RSF1: variants seen among roughly 807,000 people sequenced by gnomAD.
RSF1 encodes HBV pX-associated protein 8.
A neutral mutation model predicts 145.2 loss-of-function variants in RSF1; 13 were observed. That is an observed-to-expected ratio of 0.09 (90% CI 0.06 to 0.14). The LOEUF (loss-of-function observed/expected upper bound fraction) is 0.14, where lower values mean the gene tolerates loss of function less well. Among genes scored for constraint, RSF1 ranks in the 10% least tolerant of loss-of-function variants. The pLI is 1.00. For missense variants in RSF1, 1,517 were observed against 1,718.2 expected (o/e 0.88, Z 2.07); for synonymous variants, 577 against 592.6 (o/e 0.97, Z 0.38).
rs562274416 is a variant in RSF1, at chr11:77,730,806, G to T, written c.579-5107C>A. Among the ~76,000 whole-genome samples the T allele has an allele frequency of 2.0e-5, 3 of 152,286 alleles. No individual in the cohort carries two copies. In the South Asian group the frequency reaches 6.2e-4, roughly 32 times the overall value. ...GCTTTCTTTTCCTGCCGCCATTGAT[G>T]TAAGACATGACTTGCTCCTCCTTGC... On this transcript the variant is annotated intron_variant, in intron 4 of 15. Transcript: ENST00000308488.
rs1959227522 is a variant in RSF1 at position 77,661,097 on chromosome 11, T to C, written c.*5820A>G. 6.6e-6 allele frequency: 1 copy of C among 152,172 alleles called. No homozygotes were observed. The highest frequency in any genetic ancestry group is 2.1e-4 in the South Asian group (1 of 4,832). 9.4% of individuals were successfully genotyped at this position (152,172 alleles called of 1,614,324 possible). ...CTGCCACGCTTCAGCAGACAACTAT[T>C]CCTGTGGAATTAAGTCCACTGAATA... On this transcript the variant is annotated 3_prime_UTR_variant, in exon 16 of 16. Coordinates refer to ENST00000308488, the MANE Select transcript of RSF1 (RefSeq NM_016578.4).
the RSF1 span, among the ~76,000 whole-genome samples, chr11:77,845,321 C>T: frequency 6.6e-6 from 1 of 152,026 alleles, no homozygotes; most frequent in Admixed American, 6.6e-5. Context: ...ACTGGATAAT[C>T]TCAATTGACC....
chr11:77,862,935 TGGG>T, the RSF1 span, among the ~76,000 whole-genome samples: 1 of 152,148 alleles, frequency 6.6e-6, no homozygotes, highest in Non-Finnish European at 1.5e-5. Context: ...GTTTTTGCCT[TGGG>T]GGGAACGTTT....
At chr11:77,850,018 C>G in the RSF1 span, among the ~76,000 whole-genome samples, 2 of 152,218 alleles carry the variant, frequency 1.3e-5, no homozygotes, top group African/African-American at 4.8e-5. Context: ...TTAGCAAGAA[C>G]TATGCATTTA....
chr11:77,785,356 G>A (rs1450343916), intron 1 of RSF1, among the ~76,000 whole-genome samples: 2 of 152,172 alleles, frequency 1.3e-5, no homozygotes, highest in African/African-American at 4.8e-5. Context: ...TTGGGAGGCT[G>A]AGGTGGGTGG....
At chr11:77,781,584 T>C (rs1230664108) in intron 1 of RSF1, among the ~76,000 whole-genome samples, 5 of 152,240 alleles carry the variant, frequency 3.3e-5, no homozygotes. Flanking sequence ...CATTTATTAT[T>C]GTCTAAGAGT....
chr11:77,755,078 TA>T (rs1254450566), intron 2 of RSF1, among the ~76,000 whole-genome samples: 9 of 152,316 alleles, frequency 5.9e-5, no homozygotes, highest in African/African-American at 2.2e-4. Context: ...GGTAAGGAAT[TA>T]AGATTCTATT....
upstream of RSF1, among the ~76,000 whole-genome samples, chr11:77,821,859 C>CT (rs904921427): frequency 1.1e-4 from 17 of 152,064 alleles, no homozygotes; most frequent in African/African-American, 4.1e-4. Context: ...TCAGCCAGGC[C>CT]TGAGTCCTAG....
intron 3 of RSF1, among the ~76,000 whole-genome samples, chr11:77,742,185 G>C (rs749980706): frequency 3.9e-5 from 6 of 152,154 alleles, no homozygotes; most frequent in Non-Finnish European, 8.8e-5. Context: ...TGAATCATAT[G>C]GTAGTTCTAT....
At chr11:77,763,115 C>T (rs1237905467) in intron 2 of RSF1, 15 of 152,052 alleles carry the variant, frequency 9.9e-5, no homozygotes, top group Admixed American at 3.3e-4. Flanking sequence ...CCGAGGTGGG[C>T]GGATCACGAG....
intron 1 of RSF1, among the ~76,000 whole-genome samples, chr11:77,788,045 G>C (rs936794533): frequency 2.7e-5 from 4 of 147,356 alleles, no homozygotes; most frequent in Non-Finnish European, 4.5e-5. Context: ...GGGAGGCTGA[G>C]GTAGGAGAAT....
At chr11:77,867,875 GT>G in the RSF1 span, among the ~76,000 whole-genome samples, 1 of 152,294 alleles carries the variant, frequency 6.6e-6, no homozygotes, top group Non-Finnish European at 1.5e-5. Context: ...GTTTCCTGGA[GT>G]TAGCTGGGAA....
At chr11:77,688,495 G>C (rs1960068189) in intron 9 of RSF1, among the ~76,000 whole-genome samples, 1 of 152,170 alleles carries the variant, frequency 6.6e-6, no homozygotes, top group Admixed American at 6.5e-5. Context: ...TACATCTTTT[G>C]CAGTGTCAAA....
Position 77,728,500 on chromosome 11 carries a change from C to CAGGAA in RSF1, c.579-2806_579-2802dup, listed in dbSNP as rs372068321. 6.1e-3 allele frequency among the ~76,000 whole-genome samples: 808 copies of CAGGAA among 131,832 alleles called. 12 individuals carry two copies. The highest frequency in any genetic ancestry group is 0.019 in the African/African-American group (647 of 34,718). The allele number at this position is 131,832 out of a possible 152,430, so 86.5% of individuals were successfully genotyped here. A position where few individuals can be genotyped will look rare whatever the true frequency, so the allele number is the denominator to read the frequency against. Reference sequence around the variant, plus strand: ...GACCAGCCTGACCAACATGGAGAAACAGGAAAGGAAAGGAAAGGAAAGGGG... The same window carrying CAGGAA: ...GACCAGCCTGACCAACATGGAGAAACAGGAAAGGAAAGGAAAGGAAAGGAAAGGGG... On this transcript the variant is annotated intron_variant, in intron 4 of 15. Coordinates refer to ENST00000308488, the MANE Select transcript of RSF1 (RefSeq NM_016578.4).
At chr11:77,789,498 T>C (rs1948494435) in intron 1 of RSF1, among the ~76,000 whole-genome samples, 1 of 152,092 alleles carries the variant, frequency 6.6e-6, no homozygotes, top group Non-Finnish European at 1.5e-5. Context: ...TCTGTCAGGG[T>C]TGAAGCATGA....
chr11:77,797,813 C>T (rs1286078059), intron 1 of RSF1, among the ~76,000 whole-genome samples: 1 of 149,350 alleles, frequency 6.7e-6, no homozygotes, highest in Non-Finnish European at 1.5e-5. Flanking sequence ...AACAAATTTA[C>T]AAGAAAAAAA....
At chr11:77,684,237 T>C (rs1959944713) in intron 10 of RSF1, among the ~76,000 whole-genome samples, 1 of 152,238 alleles carries the variant, frequency 6.6e-6, no homozygotes, top group South Asian at 2.1e-4. Context: ...TAAGCCGGAA[T>C]GAAATTACTT....
intron 1 of RSF1, among the ~76,000 whole-genome samples, chr11:77,795,798 A>G (rs934185547): frequency 1.3e-5 from 2 of 152,232 alleles, no homozygotes; most frequent in African/African-American, 4.8e-5. Flanking sequence ...CAAATATATT[A>G]AAGCTAAGAA....
rs1959289080 is a variant in RSF1 at position 77,663,689 on chromosome 11, T to C, written c.*3228A>G. The C allele has an allele frequency of 2.0e-5, 3 of 152,200 alleles. No homozygotes were observed. The South Asian group carries it at 6.2e-4, about 31-fold the overall frequency. 9.4% of individuals were successfully genotyped at this position (152,200 alleles called of 1,614,324 possible). ...GCAGTAATGTGCCAATGATGGAAAA[T>C]GTTTTACACTAATTTCATCAGCACT... On this transcript the variant is annotated 3_prime_UTR_variant, in exon 16 of 16. Transcript: ENST00000308488.
Sources: gnomAD v4.1 joint callset for allele counts (sites outside exome capture counted in the v4.1 genomes callset) on GRCh38, gnomAD v4.1.1 for gene constraint, MANE v1.5 for transcripts, NCBI Gene and HGNC (gene_info 2026-07-23, HGNC 2026-07-21) for gene names.